Variants in SOS1 observed in about 807,000 individuals in gnomAD.
SOS1 encodes SOS Ras/Rac guanine nucleotide exchange factor 1, also known as son of sevenless homolog 1.
SOS1 carries 25 observed loss-of-function variants against 157.6 expected under a neutral mutation model. The ratio of observed to expected loss-of-function variants is 0.16; its 90% CI spans 0.12 to 0.22. The LOEUF (loss-of-function observed/expected upper bound fraction) is 0.22. SOS1 is among the 10% of genes least tolerant of loss of function. SOS1 has a pLI of 1.00. For missense variants in SOS1, 1,237 were observed against 1,599.1 expected (o/e 0.77, Z 3.86); for synonymous variants, 528 against 534.0 (o/e 0.99, Z 0.16).
Position 38,997,532 on chromosome 2 carries a change from AC to A in SOS1, c.2792-108del, listed in dbSNP as rs1668936238. 1.2e-5 allele frequency: 8 copies of A among 692,970 alleles called. No homozygotes were observed. The South Asian group carries it at 1.5e-4, about 13-fold the overall frequency. The allele number at this position is 692,970 out of a possible 1,614,324, so 42.9% of individuals were successfully genotyped here. ...ACACTGTACCATCTCAGTTGCCAAAACAAAAGAACCAAGGCTCAGATTTCCA... is the reference window on the plus strand; with the variant it reads ...ACACTGTACCATCTCAGTTGCCAAAAAAAAGAACCAAGGCTCAGATTTCCA... On this transcript the variant is annotated intron_variant, in intron 17 of 22. Transcript: ENST00000402219.
intron 1 of SOS1, among the ~76,000 whole-genome samples, chr2:39,092,781 G>A (rs1410285058): frequency 2.0e-5 from 3 of 152,176 alleles, no homozygotes; most frequent in Admixed American, 2.0e-4. Context: ...AGCGTGATAT[G>A]AAATAAAATA....
chr2:39,011,150 G>C (rs1669454978), intron 14 of SOS1, among the ~76,000 whole-genome samples: 1 of 152,116 alleles, frequency 6.6e-6, no homozygotes, highest in African/African-American at 2.4e-5. Flanking sequence ...ACCCGCCTTG[G>C]CCTCCCAAAA....
chr2:39,049,187 G>C (rs1420431572), intron 6 of SOS1, among the ~76,000 whole-genome samples: 2 of 152,142 alleles, frequency 1.3e-5, no homozygotes, highest in African/African-American at 2.4e-5. Flanking sequence ...CAAAGTGCTG[G>C]GATTACAGGC....
At position 39,014,854 on chromosome 2, in the gene SOS1, G is replaced by T; in HGVS notation, c.1859-8C>A. ...TCCGAACAAAATTGGGATCTAAGAA[G>T]AAAAAGGAAAAATATCTTATTAAAC... is the stretch of plus-strand genomic sequence containing the variant. On this transcript the variant is annotated splice_region_variant and splice_polypyrimidine_tract_variant and intron_variant, in intron 10 of 22. Coordinates refer to ENST00000402219, the MANE Select transcript of SOS1 (RefSeq NM_005633.4). The T allele has an allele frequency of 7.0e-7, 1 of 1,428,090 alleles. No homozygotes were observed. The highest frequency in any genetic ancestry group is 1.2e-5 in the South Asian group (1 of 86,756). The allele number at this position is 1,428,090 out of a possible 1,614,324, so 88.5% of individuals were successfully genotyped here.
chr2:39,044,517 TTC>T (rs1451792878), intron 6 of SOS1, among the ~76,000 whole-genome samples: 1 of 152,202 alleles, frequency 6.6e-6, no homozygotes, highest in Admixed American at 6.5e-5. Flanking sequence ...AACTGTAAAC[TTC>T]TCTCTGCAAA....
intron 8 of SOS1, among the ~76,000 whole-genome samples, chr2:39,028,200 T>G (rs1197446158): frequency 2.0e-5 from 3 of 152,208 alleles, no homozygotes; most frequent in African/African-American, 7.2e-5. Context: ...CTTTTACCAG[T>G]GACGAATTTT....
chr2:39,092,286 G>A (rs1672624558), intron 1 of SOS1, among the ~76,000 whole-genome samples: 1 of 151,962 alleles, frequency 6.6e-6, no homozygotes, highest in South Asian at 2.1e-4. Context: ...TGCACATACT[G>A]CTTGTCTTGA....
intron 1 of SOS1, among the ~76,000 whole-genome samples, chr2:39,116,538 T>G (rs989979816): frequency 1.3e-5 from 2 of 152,250 alleles, no homozygotes; most frequent in African/African-American, 4.8e-5. Context: ...ATGGCCAAAG[T>G]GAATTTTCTA....
intron 1 of SOS1, among the ~76,000 whole-genome samples, chr2:39,084,382 G>A (rs997424496): frequency 2.6e-5 from 4 of 152,112 alleles, no homozygotes; most frequent in African/African-American, 9.7e-5. Flanking sequence ...ACACGTGTAT[G>A]TGTAATTATA....
intron 10 of SOS1, among the ~76,000 whole-genome samples, chr2:39,021,491 C>A (rs1669793718): frequency 8.6e-6 from 1 of 116,142 alleles, no homozygotes; most frequent in Non-Finnish European, 1.8e-5. Context: ...TGACAGTAAA[C>A]ACTAGTAGTA....
At chr2:39,058,143 T>C (rs1045148913) in intron 3 of SOS1, among the ~76,000 whole-genome samples, 4 of 152,098 alleles carry the variant, frequency 2.6e-5, no homozygotes, top group Non-Finnish European at 4.4e-5. Flanking sequence ...TTAACTAAAA[T>C]AGAAATAGCA....
At position 38,983,655 on chromosome 2, in the gene SOS1, T is replaced by C. The variant is rs1444609669; in HGVS notation, c.*2169A>G. On this transcript the variant is annotated 3_prime_UTR_variant, in exon 23 of 23. Coordinates refer to ENST00000402219, the MANE Select transcript of SOS1 (RefSeq NM_005633.4). Reference sequence around the variant, plus strand: ...ACTTTTACCAGGTTCTCATTTGGAATGTGCCTGGGGCAATTAAAAAGAGAA... The same window carrying C: ...ACTTTTACCAGGTTCTCATTTGGAACGTGCCTGGGGCAATTAAAAAGAGAA... 6.6e-6 allele frequency: 1 copy of C among 152,156 alleles called. No homozygotes were observed. Among genetic ancestry groups the C allele is most frequent in the Non-Finnish European group, 1.5e-5 (1 of 68,010 alleles). The allele number at this position is 152,156 out of a possible 1,614,324, so 9.4% of individuals were successfully genotyped here. A position where few individuals can be genotyped will look rare whatever the true frequency, so the allele number is the denominator to read the frequency against.
chr2:39,025,216 TTAAAA>T (rs1203582976), intron 8 of SOS1, among the ~76,000 whole-genome samples: 22 of 152,296 alleles, frequency 1.4e-4, no homozygotes, highest in East Asian at 1.2e-3. Flanking sequence ...ATACCGTCTA[TTAAAA>T]TAAAATAAAA....
chr2:39,019,837 A>C (rs1372312991), intron 10 of SOS1, among the ~76,000 whole-genome samples: 2 of 151,584 alleles, frequency 1.3e-5, no homozygotes, highest in Non-Finnish European at 3.0e-5. Flanking sequence ...TCCTATTTCA[A>C]GAAAAAAAAA....
chr2:39,027,962 C>G (rs941827096), intron 8 of SOS1, among the ~76,000 whole-genome samples: 3 of 151,972 alleles, frequency 2.0e-5, no homozygotes, highest in African/African-American at 7.3e-5. Flanking sequence ...TCCAGAGTAG[C>G]TGGGATTACA....
chr2:39,043,532 T>A (rs1197644370), intron 6 of SOS1, among the ~76,000 whole-genome samples: 2 of 152,240 alleles, frequency 1.3e-5, no homozygotes, highest in African/African-American at 4.8e-5. Flanking sequence ...CATTGTCACA[T>A]GCTGTTTTCT....
At chr2:39,039,940 C>A (rs1022189545) in intron 6 of SOS1, among the ~76,000 whole-genome samples, 2 of 152,206 alleles carry the variant, frequency 1.3e-5, no homozygotes, top group African/African-American at 4.8e-5. Flanking sequence ...TTGTGACTGG[C>A]TTCTTGTGTT....
intron 1 of SOS1, among the ~76,000 whole-genome samples, chr2:39,114,452 C>A (rs1160298094): frequency 6.6e-6 from 1 of 152,002 alleles, no homozygotes; most frequent in African/African-American, 2.4e-5. Context: ...TACAGGCATG[C>A]GCCACCACGC....
chr2:39,054,878 T>G, intron 4 of SOS1, 55 bp from the exon 5 acceptor site: 1 of 956,356 alleles, frequency 1.0e-6, no homozygotes, highest in South Asian at 1.4e-5. Context: ...TTCGTAGAAT[T>G]TGATGTGAAA....
Sources: gnomAD v4.1 joint callset for allele counts (sites outside exome capture counted in the v4.1 genomes callset) on GRCh38, gnomAD v4.1.1 for gene constraint, MANE v1.5 for transcripts, NCBI Gene and HGNC (gene_info 2026-07-23, HGNC 2026-07-21) for gene names.